ST14: variants seen among roughly 807,000 people sequenced by gnomAD.
ST14 encodes the protein suppressor of tumorigenicity 14 protein.
In ST14, 40 loss-of-function variants were observed where a neutral mutation model predicts 96.5. The ratio of observed to expected loss-of-function variants is 0.41; its 90% CI spans 0.32 to 0.54. ST14 has a LOEUF of 0.54. Among genes scored for constraint, ST14 ranks in the 20% least tolerant of loss-of-function variants. ST14 has a pLI of 0.17. For synonymous variants in ST14, 506 were observed against 492.1 expected, an observed-to-expected ratio of 1.03 and a Z score of -0.37; for missense variants, 1,066 against 1,188.9, an observed-to-expected ratio of 0.90 and a Z score of 1.52.
intron 16 of ST14, 89 bp from the exon 17 acceptor site, chr11:130,208,321 T>G: frequency 6.3e-7 from 1 of 1,581,752 alleles, no homozygotes; most frequent in Non-Finnish European, 8.7e-7. Context: ...GCCTCATCCA[T>G]GCGGAATCCT....
chr11:130,201,803 C>T (rs949739980), intron 16 of ST14, among the ~76,000 whole-genome samples: 1 of 152,260 alleles, frequency 6.6e-6, no homozygotes, highest in Non-Finnish European at 1.5e-5. Context: ...GCCTCCACCT[C>T]CTAGGCTGAA....
intron 16 of ST14, among the ~76,000 whole-genome samples, 181 bp downstream of exon 16, chr11:130,200,318 T>C (rs764365576): frequency 1.3e-5 from 2 of 152,200 alleles, no homozygotes; most frequent in Non-Finnish European, 2.9e-5. Context: ...AGAGTTTATT[T>C]GGCCCATGGT....
chr11:130,191,864 T>C (rs1953306652), intron 7 of ST14, among the ~76,000 whole-genome samples: 1 of 152,166 alleles, frequency 6.6e-6, no homozygotes, highest in Admixed American at 6.5e-5. Context: ...CAAAGAATAG[T>C]GGCCCTGAGT....
chr11:130,202,940 C>T (rs1953445393), intron 16 of ST14, among the ~76,000 whole-genome samples: 1 of 152,196 alleles, frequency 6.6e-6, no homozygotes, highest in South Asian at 2.1e-4. Flanking sequence ...AACTGCACTC[C>T]AGCCCCTGGG....
intron 1 of ST14, among the ~76,000 whole-genome samples, chr11:130,174,881 G>A (rs1384534642): frequency 3.3e-5 from 5 of 152,118 alleles, no homozygotes; most frequent in Admixed American, 6.5e-5. Context: ...TTTTGTCTTC[G>A]TGGCTCTCCC....
intron 1 of ST14, among the ~76,000 whole-genome samples, chr11:130,169,356 A>G (rs1344926061): frequency 6.6e-6 from 1 of 152,170 alleles, no homozygotes; most frequent in Non-Finnish European, 1.5e-5. Context: ...TGGCCTTCCA[A>G]AGTGCTGGGA....
rs1277934146 is a variant in ST14 at position 130,178,862 on chromosome 11, G to T, written c.82-9252G>T. Among the ~76,000 whole-genome samples the T allele has an allele frequency of 6.0e-4, 92 of 152,212 alleles. 4 individuals carry two copies. The highest frequency in any genetic ancestry group is 6.0e-3 in the Admixed American group (92 of 15,286). On this transcript the variant is annotated intron_variant, in intron 1 of 18. Transcript: ENST00000278742. The stretch of plus-strand genomic sequence containing the variant: ...GTTTTGGGGTGTCTGCCAGCAGCTG[G>T]CTGGGTCTGCAGCTGGCCCTGTGCT...
Position 130,210,028 on chromosome 11 carries a change from A to G in ST14, c.*205A>G, listed in dbSNP as rs1953535951. 3 of 659,132 alleles carry G rather than the reference A, an allele frequency of 4.6e-6. No individual in the cohort carries two copies. The highest frequency in any genetic ancestry group is 5.9e-5 in the Admixed American group (2 of 33,958). 40.8% of individuals were successfully genotyped at this position (659,132 alleles called of 1,614,324 possible). On this transcript the variant is annotated 3_prime_UTR_variant, in exon 19 of 19. Coordinates refer to ENST00000278742, the MANE Select transcript of ST14 (RefSeq NM_021978.4). ...AAGTGGAGCTGGGAGGTAGAAGGGGAGGACACTGGTGGTTCTACTGACCCA... is the reference window on the plus strand; with the variant it reads ...AAGTGGAGCTGGGAGGTAGAAGGGGGGGACACTGGTGGTTCTACTGACCCA...
chr11:130,196,718 G>A lies in ST14; in HGVS notation c.1354+18G>A, dbSNP rs1188733866. 3 of 1,614,070 alleles carry A rather than the reference G, an allele frequency of 1.9e-6. No homozygotes were observed. The highest frequency in any genetic ancestry group is 2.5e-6 in the Non-Finnish European group (3 of 1,180,044). Reference sequence around the variant, plus strand: ...CAGTGACCGTGAGTGAACATTGTTGGGAGGAGGGCTGGCGGGGGCCTGCAC... The same window carrying A: ...CAGTGACCGTGAGTGAACATTGTTGAGAGGAGGGCTGGCGGGGGCCTGCAC... On this transcript the variant is annotated intron_variant, in intron 11 of 18. Transcript: ENST00000278742.
chr11:130,194,231 A>G lies in ST14; in HGVS notation c.958A>G (p.Thr320Ala). ...CCTGCTCATCACACTGATAACCAAC[A>G]CTGAGCGGCGGCATCCCGGCTTTGA... Reference protein sequence around the residue: ...NVLLITLITNTERRHPGFEAT... With the variant: ...NVLLITLITNAERRHPGFEAT... The change falls in exon 8 of 19, where the codon ACT (threonine) becomes GCT (alanine). Residue 320 changes from threonine to alanine, a missense_variant. Transcript: ENST00000278742. The G allele has an allele frequency of 6.2e-7, 1 of 1,614,140 alleles. No homozygotes were observed. Among genetic ancestry groups the G allele is most frequent in the Non-Finnish European group, 8.5e-7 (1 of 1,180,012 alleles).
chr11:130,207,868 C>G (rs558596933), intron 16 of ST14, among the ~76,000 whole-genome samples: 2 of 152,162 alleles, frequency 1.3e-5, no homozygotes, highest in Admixed American at 6.5e-5. Flanking sequence ...GTCAGGAGAT[C>G]GAGACCAGCC....
At chr11:130,171,062 G>A (rs532447082) in intron 1 of ST14, among the ~76,000 whole-genome samples, 1 of 152,286 alleles carries the variant, frequency 6.6e-6, no homozygotes, top group Non-Finnish European at 1.5e-5. Flanking sequence ...CTGCTGTTGT[G>A]CTTATCACGA....
At chr11:130,174,531 G>T (rs989539229) in intron 1 of ST14, among the ~76,000 whole-genome samples, 3 of 151,718 alleles carry the variant, frequency 2.0e-5, no homozygotes, top group Non-Finnish European at 4.4e-5. Context: ...GGGTGGGGGT[G>T]GCAGTTATTA....
intron 1 of ST14, among the ~76,000 whole-genome samples, chr11:130,180,958 G>A (rs186161969): frequency 1.3e-5 from 2 of 152,260 alleles, no homozygotes; most frequent in African/African-American, 2.4e-5. Flanking sequence ...TCCCCTTCCC[G>A]GGTTTCTGGA....
rs1319923085 is a variant in ST14 at position 130,188,677 on chromosome 11, A to G, written c.369+20A>G. The G allele has an allele frequency of 6.2e-7, 1 of 1,613,974 alleles. No individual in the cohort carries two copies. Among genetic ancestry groups the G allele is most frequent in the African/African-American group, 1.3e-5 (1 of 74,918 alleles). ...GACGCGGTGAGTGCAGCCTGCCCAG[A>G]GTCCTGCTGGGCTGTGTGCGCTGGT... On this transcript the variant is annotated intron_variant, in intron 3 of 18. Transcript: ENST00000278742. This position sits in a 1 kb window ranked among gnomAD's most constrained non-coding sequence, Gnocchi z 5.4.
Position 130,196,388 on chromosome 11 carries a change from T to C in ST14, c.1163T>C (p.Leu388Pro). The C allele has an allele frequency of 6.2e-7, 1 of 1,609,592 alleles. No individual in the cohort carries two copies. The highest frequency in any genetic ancestry group is 8.5e-7 in the Non-Finnish European group (1 of 1,178,352). Reference protein sequence around the residue: ...VKVRFKFFYLLEPGVPAGTCP... With the variant: ...VKVRFKFFYLPEPGVPAGTCP... ...GTGCGCTTCAAATTCTTCTACCTGC[T>C]GGAGCCCGGCGTGCCTGCGGGCACC... Residue 388 changes from leucine to proline, a missense_variant, in exon 10 of 19, where the codon CTG becomes CCG. Leu to Pro is a moderately conservative substitution (Grantham distance 98). Coordinates refer to ENST00000278742, the MANE Select transcript of ST14 (RefSeq NM_021978.4).
rs773937848 is a variant in ST14 at position 130,188,073 on chromosome 11, C to T, written c.82-41C>T. The T allele has an allele frequency of 2.4e-5, 39 of 1,611,358 alleles. No individual in the cohort carries two copies. In the South Asian group the frequency reaches 2.5e-4, roughly 10 times the overall value. ...TCCCCAGCGGGGTGCAGGGGAAGAG[C>T]GGGTGAGAGGGTCTGAGTGGTGGCG... On this transcript the variant is annotated intron_variant, in intron 1 of 18. Coordinates refer to ENST00000278742, the MANE Select transcript of ST14 (RefSeq NM_021978.4). This position sits in a 1 kb window ranked among gnomAD's most constrained non-coding sequence, Gnocchi z 5.4.
At chr11:130,191,492 C>T (rs1021469926) in intron 7 of ST14, among the ~76,000 whole-genome samples, 4 of 151,746 alleles carry the variant, frequency 2.6e-5, no homozygotes, top group Non-Finnish European at 2.9e-5. Context: ...GAGTTTGAGA[C>T]CAGTCAAGCC....
intron 16 of ST14, among the ~76,000 whole-genome samples, chr11:130,207,224 C>G (rs989007705): frequency 6.6e-6 from 1 of 152,206 alleles, no homozygotes; most frequent in Non-Finnish European, 1.5e-5. Flanking sequence ...CTGGGTGCTG[C>G]TGGAGACAGT....
Sources: allele counts gnomAD v4.1 joint callset (sites outside exome capture counted in the v4.1 genomes callset), GRCh38; gene constraint gnomAD v4.1.1; non-coding constraint Gnocchi (gnomAD v3.1); transcripts MANE v1.5; gene names NCBI Gene and HGNC (gene_info 2026-07-23, HGNC 2026-07-21).